Variants in VTI1A observed in about 807,000 individuals in gnomAD.
VTI1A encodes the protein vesicle transport through interaction with t-SNAREs homolog 1A.
Under a neutral mutation model 34.9 loss-of-function variants are expected in VTI1A, and 22 were observed. The ratio of observed to expected loss-of-function variants is 0.63; its 90% CI spans 0.45 to 0.90. The LOEUF (loss-of-function observed/expected upper bound fraction) is 0.90, where lower values mean the gene tolerates loss of function less well. Among genes scored for constraint, VTI1A ranks in the 40% least tolerant of loss-of-function variants. The probability of loss-of-function intolerance (pLI) is 0.00; values close to 1 mark genes in which losing one functional copy is unlikely to be tolerated. For missense variants in VTI1A, 268 were observed against 275.6 expected (o/e 0.97, Z 0.20); for synonymous variants, 87 against 97.3 (o/e 0.89, Z 0.62).
chr10:112,533,273 G>A (rs773216390), intron 4 of VTI1A, among the ~76,000 whole-genome samples: 2 of 151,972 alleles, frequency 1.3e-5, no homozygotes, highest in African/African-American at 4.8e-5. Flanking sequence ...TGGTGTCTTA[G>A]ATGTACTTTA....
chr10:112,458,102 G>C (rs1033083266), intron 1 of VTI1A, among the ~76,000 whole-genome samples: 3 of 152,006 alleles, frequency 2.0e-5, no homozygotes, highest in Non-Finnish European at 2.9e-5. Context: ...TGAAAGGAGA[G>C]GAATATTAGC....
chr10:112,606,276 C>T (rs1427797598), intron 5 of VTI1A, among the ~76,000 whole-genome samples: 1 of 152,094 alleles, frequency 6.6e-6, no homozygotes, highest in African/African-American at 2.4e-5. Flanking sequence ...CCACCGACTT[C>T]GGCCTCCCAA....
At chr10:112,685,206 G>T (rs1208473964) in intron 7 of VTI1A, among the ~76,000 whole-genome samples, 1 of 152,138 alleles carries the variant, frequency 6.6e-6, no homozygotes, top group Non-Finnish European at 1.5e-5. Context: ...ACCAGAAGCG[G>T]TTTTTTAAAA....
the VTI1A span, chr10:112,832,138 A>C: frequency 1.3e-5 from 2 of 152,348 alleles, no homozygotes. Context: ...TAGACAATCA[A>C]ATGCCCGCCG....
rs58619611 is a variant in VTI1A at position 112,642,977 on chromosome 10, C to CTTT, written c.428-25226_428-25224dup. Among the ~76,000 whole-genome samples, 738 of 121,010 alleles carry CTTT rather than the reference C, an allele frequency of 6.1e-3. 24 individuals carry two copies. Among genetic ancestry groups the CTTT allele is most frequent in the African/African-American group, 0.02 (640 of 31,840 alleles). The allele number at this position is 121,010 out of a possible 152,430, so 79.4% of individuals were successfully genotyped here. On this transcript the variant is annotated intron_variant, in intron 5 of 7. Transcript: ENST00000393077. ...GAGCATGTTTTCTTTTTTTTCTTTT[C>CTTT]TTTTTTTTTTTTTTTTTGTTTTTAA...
At chr10:112,524,297 A>G (rs1850139266) in intron 3 of VTI1A, among the ~76,000 whole-genome samples, 1 of 152,098 alleles carries the variant, frequency 6.6e-6, no homozygotes, top group Non-Finnish European at 1.5e-5. Flanking sequence ...TTTGTTTGGA[A>G]AATGAAACTC....
chr10:112,519,938 T>C (rs1849952280), intron 3 of VTI1A, among the ~76,000 whole-genome samples: 1 of 152,048 alleles, frequency 6.6e-6, no homozygotes, highest in South Asian at 2.1e-4. Context: ...ATAGAGAAAC[T>C]AGCATTATAG....
At chr10:112,630,711 A>G (rs1846097392) in intron 5 of VTI1A, among the ~76,000 whole-genome samples, 1 of 152,216 alleles carries the variant, frequency 6.6e-6, no homozygotes, top group Non-Finnish European at 1.5e-5. Context: ...ACCCCATTCA[A>G]CATCGCTGAA....
At chr10:112,606,707 A>C (rs950122408) in intron 5 of VTI1A, among the ~76,000 whole-genome samples, 1 of 152,218 alleles carries the variant, frequency 6.6e-6, no homozygotes, top group Non-Finnish European at 1.5e-5. Flanking sequence ...ACAGACACTT[A>C]CATTTGTTTT....
At chr10:112,541,275 C>T (rs191746297) in intron 5 of VTI1A, among the ~76,000 whole-genome samples, 7 of 152,206 alleles carry the variant, frequency 4.6e-5, no homozygotes, top group Non-Finnish European at 7.4e-5. Context: ...ATCATCTGTC[C>T]ATGTCATTAA....
chr10:112,783,675 G>A (rs942540089), intron 7 of VTI1A, among the ~76,000 whole-genome samples: 22 of 152,162 alleles, frequency 1.4e-4, no homozygotes, highest in African/African-American at 5.3e-4. Flanking sequence ...AAATTCGAAG[G>A]GAGAATTGAA....
chr10:112,808,176 C>A (rs951295560), intron 7 of VTI1A, among the ~76,000 whole-genome samples: 5 of 152,026 alleles, frequency 3.3e-5, no homozygotes, highest in Non-Finnish European at 5.9e-5. Context: ...TGTGATTGCA[C>A]CACTGCCCTC....
intron 5 of VTI1A, among the ~76,000 whole-genome samples, chr10:112,664,533 C>T (rs1344903934): frequency 6.6e-6 from 1 of 152,060 alleles, no homozygotes; most frequent in Non-Finnish European, 1.5e-5. Flanking sequence ...TGATGTCAGG[C>T]CAGTCCTTTA....
intron 7 of VTI1A, among the ~76,000 whole-genome samples, chr10:112,760,167 G>A (rs534369085): frequency 2.0e-5 from 3 of 152,264 alleles, no homozygotes; most frequent in Admixed American, 2.0e-4. Context: ...CTTATCCAAG[G>A]GGGATACGTT....
At chr10:112,744,590 A>G (rs1850823156) in intron 7 of VTI1A, among the ~76,000 whole-genome samples, 1 of 150,798 alleles carries the variant, frequency 6.6e-6, no homozygotes, top group South Asian at 2.1e-4. Context: ...GACTACACGC[A>G]CATGTCACCA....
intron 7 of VTI1A, among the ~76,000 whole-genome samples, chr10:112,748,620 C>CTTTTTTTTTTT (rs561301572): frequency 1.9e-5 from 2 of 104,918 alleles, no homozygotes; most frequent in African/African-American, 8.7e-5. Flanking sequence ...ATTTAGAAAC[C>CTTTTTTTTTTT]TTTTTTTTTT....
At chr10:112,569,153 CAAA>C (rs112290050) in intron 5 of VTI1A, among the ~76,000 whole-genome samples, 4 of 133,932 alleles carry the variant, frequency 3.0e-5, no homozygotes, top group Non-Finnish European at 6.5e-5. Context: ...GATTCCATCT[CAAA>C]AAAAAAAAAG....
At chr10:112,515,544 G>A (rs545425600) in intron 3 of VTI1A, among the ~76,000 whole-genome samples, 1 of 152,078 alleles carries the variant, frequency 6.6e-6, no homozygotes, top group African/African-American at 2.4e-5. Context: ...AAGACATAGA[G>A]CCAGAATCAA....
rs527521086 is a variant in VTI1A, at chr10:112,742,340, A to G, written c.561-72950A>G. On this transcript the variant is annotated intron_variant, in intron 7 of 7. Coordinates refer to ENST00000393077, the MANE Select transcript of VTI1A (RefSeq NM_145206.4). ...AAGCAATCCTTATTTTAGATGTGAC[A>G]TGTGTTAAGTAAACAGCTTGATACA... Among the ~76,000 whole-genome samples, 7 of 152,352 alleles carry G rather than the reference A, an allele frequency of 4.6e-5. No homozygotes were observed. The South Asian group carries it at 1.4e-3, about 32-fold the overall frequency.
Sources: allele counts gnomAD v4.1 joint callset (sites outside exome capture counted in the v4.1 genomes callset), GRCh38; gene constraint gnomAD v4.1.1; transcripts MANE v1.5; gene names NCBI Gene and HGNC (gene_info 2026-07-23, HGNC 2026-07-21).